Variants in CDON observed in about 807,000 individuals in gnomAD.
The protein encoded by CDON is cell adhesion molecule-related/down-regulated by oncogenes.
A neutral mutation model predicts 120.9 loss-of-function variants in CDON; 73 were observed. That is an observed-to-expected ratio of 0.60 (90% CI 0.50 to 0.73). The LOEUF (loss-of-function observed/expected upper bound fraction) is 0.73, where lower values mean the gene tolerates loss of function less well. Among genes scored for constraint, CDON ranks in the 30% least tolerant of loss-of-function variants. The probability of loss-of-function intolerance (pLI) is 0.00; values close to 1 mark genes in which losing one functional copy is unlikely to be tolerated. For missense variants in CDON, 1,470 were observed against 1,587.3 expected, an observed-to-expected ratio of 0.93 and a Z score of 1.26; for synonymous variants, 566 against 573.5, an observed-to-expected ratio of 0.99 and a Z score of 0.19.
chr11:126,057,281 GAATT>G (rs1948703481), intron 1 of CDON, among the ~76,000 whole-genome samples: 1 of 152,104 alleles, frequency 6.6e-6, no homozygotes, highest in East Asian at 1.9e-4. Context: ...CCAATAAAAT[GAATT>G]ATTATGAATT....
chr11:126,001,353 A>T (rs1946939822), intron 11 of CDON, among the ~76,000 whole-genome samples: 2 of 151,922 alleles, frequency 1.3e-5, no homozygotes, highest in Non-Finnish European at 2.9e-5. Context: ...ACACCCAGCT[A>T]ATTTTTTTGA....
intron 1 of CDON, among the ~76,000 whole-genome samples, chr11:126,033,050 T>A (rs1236796502): frequency 2.0e-5 from 3 of 152,270 alleles, no homozygotes; most frequent in Admixed American, 6.5e-5. Context: ...TGGAAAAGAA[T>A]AGACCACTAG....
At chr11:126,024,259 C>T (rs115446120) in intron 1 of CDON, among the ~76,000 whole-genome samples, 3,615 of 152,152 alleles carry the variant, frequency 0.024, 147 homozygotes, top group African/African-American at 0.083. Flanking sequence ...TTAGAGGACA[C>T]AGAGAAGGGG....
intron 7 of CDON, among the ~76,000 whole-genome samples, chr11:126,013,344 C>T (rs959475808): frequency 7.2e-5 from 11 of 152,072 alleles, no homozygotes; most frequent in African/African-American, 2.4e-4. Flanking sequence ...GGAGAGTTTC[C>T]ATCTTTTCCT....
In CDON at chr11:126,034,059, G is replaced by T. The variant is rs1003477248; in HGVS notation, c.-61-10522C>A. ...CTGCCAGGATGAAGCCCCTGGGTGT[G>T]AAATGCAGCTTTCCACAGTACTTAC... is the stretch of plus-strand genomic sequence containing the variant. On this transcript the variant is annotated intron_variant, in intron 1 of 19. Transcript: ENST00000531738. This position sits in a 1 kb window ranked among gnomAD's most constrained non-coding sequence, Gnocchi z 4.5. Among the ~76,000 whole-genome samples, 12 of 151,966 alleles carry T rather than the reference G, an allele frequency of 7.9e-5. No homozygotes were observed.
intron 8 of CDON, among the ~76,000 whole-genome samples, chr11:126,006,875 A>T (rs1353205268): frequency 6.6e-6 from 1 of 152,232 alleles, no homozygotes; most frequent in Non-Finnish European, 1.5e-5. Context: ...TATCTTATAA[A>T]CATAATCTCA....
At chr11:126,022,574 A>T (rs1471085896) in intron 2 of CDON, among the ~76,000 whole-genome samples, 1 of 152,194 alleles carries the variant, frequency 6.6e-6, no homozygotes. Flanking sequence ...TTCTAGAATA[A>T]AATACTTAAG....
chr11:125,989,800 A>C (rs1160398622), intron 14 of CDON, 41 bp from the exon 15 acceptor site: 1 of 1,580,966 alleles, frequency 6.3e-7, no homozygotes, highest in Non-Finnish European at 8.7e-7. Flanking sequence ...CATACAGCCT[A>C]AATGATAATG....
At chr11:125,982,136 G>A (rs546557616) in intron 16 of CDON, among the ~76,000 whole-genome samples, 16 of 140,396 alleles carry the variant, frequency 1.1e-4, no homozygotes, top group African/African-American at 3.4e-4. Flanking sequence ...CACCACATCC[G>A]GCTAATTCTT....
At chr11:125,962,399 T>C (rs1591540207) in intron 18 of CDON, among the ~76,000 whole-genome samples, 2 of 152,156 alleles carry the variant, frequency 1.3e-5, no homozygotes, top group Admixed American at 6.5e-5. Flanking sequence ...AGCTAAGAAA[T>C]GTATGGCCAC....
chr11:126,037,573 C>T (rs1018611728), intron 1 of CDON, among the ~76,000 whole-genome samples: 7 of 152,104 alleles, frequency 4.6e-5, no homozygotes, highest in African/African-American at 7.2e-5. Context: ...ATAACAGAGA[C>T]CTTGACCTCA....
intron 7 of CDON, among the ~76,000 whole-genome samples, chr11:126,013,711 C>T (rs770068418): frequency 6.6e-6 from 1 of 151,996 alleles, no homozygotes; most frequent in African/African-American, 2.4e-5. Flanking sequence ...AAGATGTGTC[C>T]ATTTTCTTAG....
At chr11:125,968,498 T>C (rs916319721) in intron 18 of CDON, among the ~76,000 whole-genome samples, 1 of 152,036 alleles carries the variant, frequency 6.6e-6, no homozygotes, top group Non-Finnish European at 1.5e-5. Context: ...TCGACACAGG[T>C]TTTATGGGGA....
intron 7 of CDON, chr11:126,010,942 T>A: frequency 1.8e-6 from 1 of 544,030 alleles, no homozygotes; most frequent in Non-Finnish European, 3.5e-6. Context: ...GGAATATATA[T>A]AAAGAAATCT....
intron 1 of CDON, among the ~76,000 whole-genome samples, chr11:126,046,976 G>T (rs1948421391): frequency 6.6e-6 from 1 of 152,222 alleles, no homozygotes; most frequent in African/African-American, 2.4e-5. Flanking sequence ...TAACAATCAT[G>T]CTCAGTATTT....
chr11:125,962,592 G>GTCAATTCTGTTCTAC (rs1297646452), intron 18 of CDON, among the ~76,000 whole-genome samples: 6 of 152,156 alleles, frequency 3.9e-5, no homozygotes, highest in Non-Finnish European at 5.9e-5. Context: ...AGTATTTCAC[G>GTCAATTCTGTTCTAC]TCAATTCTGT....
At position 126,017,122 on chromosome 11, in the gene CDON, A is replaced by G. The variant is rs777149045; in HGVS notation, c.894T>C (p.Asp298=). Residue 298 remains aspartate (D), a synonymous_variant, in exon 6 of 20, where the codon GAT becomes GAC. Coordinates refer to ENST00000531738, the MANE Select transcript of CDON (RefSeq NM_001378964.1). ...YSCMAGNKSG[D]VKYVTYMVNV... is the part of the protein sequence containing the mutation. Reference sequence around the variant, plus strand: ...TAACCATGTAAGTCACATATTTTACATCTCCAGACTTGTTTCCCGCCATGC... The same window carrying G: ...TAACCATGTAAGTCACATATTTTACGTCTCCAGACTTGTTTCCCGCCATGC... The G allele has an allele frequency of 6.2e-7, 1 of 1,614,194 alleles. No homozygotes were observed. The highest frequency in any genetic ancestry group is 8.5e-7 in the Non-Finnish European group (1 of 1,180,014).
At chr11:125,981,461 G>T in intron 16 of CDON, 132 bp from the exon 17 acceptor site, 2 of 928,548 alleles carry the variant, frequency 2.2e-6, no homozygotes, top group Non-Finnish European at 1.7e-6. Context: ...CACTAAAAAG[G>T]ACAATCTTCT....
intron 1 of CDON, among the ~76,000 whole-genome samples, chr11:126,050,645 A>C (rs907152817): frequency 2.0e-5 from 3 of 152,184 alleles, no homozygotes; most frequent in Admixed American, 6.5e-5. Context: ...TATACAGAAT[A>C]AAAAGAACCA....
Sources: gnomAD v4.1 joint callset for allele counts (sites outside exome capture counted in the v4.1 genomes callset) on GRCh38, gnomAD v4.1.1 for gene constraint, Gnocchi (gnomAD v3.1) non-coding constraint, MANE v1.5 for transcripts, NCBI Gene and HGNC (gene_info 2026-07-23, HGNC 2026-07-21) for gene names.